CSGALNACT1: variants seen among roughly 807,000 people sequenced by gnomAD.
The protein encoded by CSGALNACT1 is beta4GalNAcT-1.
A neutral mutation model predicts 51.0 loss-of-function variants in CSGALNACT1; 52 were observed. That is an observed-to-expected ratio of 1.02 (90% CI 0.82 to 1.29). CSGALNACT1 has a LOEUF of 1.29. CSGALNACT1 is among the 50% of genes most tolerant of loss of function. The pLI, the probability that CSGALNACT1 is intolerant of heterozygous loss-of-function variation, is 0.00. For synonymous variants in CSGALNACT1, 341 were observed against 254.4 expected, an observed-to-expected ratio of 1.34 and a Z score of -3.24; for missense variants, 935 against 679.2, an observed-to-expected ratio of 1.38 and a Z score of -4.19.
intron 1 of CSGALNACT1, among the ~76,000 whole-genome samples, chr8:19,692,588 A>G (rs1041963266): frequency 2.6e-5 from 4 of 152,240 alleles, no homozygotes; most frequent in African/African-American, 9.6e-5. Flanking sequence ...CTAAAAATGT[A>G]TGTGACTAAC....
At chr8:19,620,732 C>T (rs186984833) in intron 1 of CSGALNACT1, among the ~76,000 whole-genome samples, 77 of 152,286 alleles carry the variant, frequency 5.1e-4, no homozygotes, top group African/African-American at 1.8e-3. Context: ...CCATGCCCAA[C>T]CCCTTTTTTA....
In CSGALNACT1 at chr8:19,732,784, C is replaced by T. The variant is rs193284885; in HGVS notation, c.-297+25066G>A. On this transcript the variant is annotated intron_variant, in intron 1 of 1. Coordinates refer to the CSGALNACT1 transcript ENST00000517494. ...GCCATATGAATCACCCTCTGTATTA[C>T]TTTGCATTGCTGCATCCTACAAAGG... 9.8e-5 allele frequency among the ~76,000 whole-genome samples: 15 copies of T among 152,324 alleles called. No individual in the cohort carries two copies. The East Asian group carries it at 2.5e-3, about 25-fold the overall frequency.
chr8:19,703,896 C>A (rs766475445), intron 1 of CSGALNACT1, among the ~76,000 whole-genome samples: 2 of 152,168 alleles, frequency 1.3e-5, no homozygotes, highest in African/African-American at 2.4e-5. Flanking sequence ...TTATCCTACA[C>A]GCAGCTCTCA....
intron 1 of CSGALNACT1, among the ~76,000 whole-genome samples, chr8:19,631,105 G>A (rs956132640): frequency 6.6e-6 from 1 of 152,156 alleles, no homozygotes; most frequent in African/African-American, 2.4e-5. Flanking sequence ...TGCATCTCCT[G>A]AAGGACATTT....
chr8:19,434,855 A>T (rs2060142259), intron 6 of CSGALNACT1, among the ~76,000 whole-genome samples: 2 of 152,300 alleles, frequency 1.3e-5, no homozygotes, highest in East Asian at 3.9e-4. Context: ...AAAAAAAGCA[A>T]ATCAACAATG....
At chr8:19,699,279 A>T (rs2154219601) in intron 1 of CSGALNACT1, among the ~76,000 whole-genome samples, 1 of 152,340 alleles carries the variant, frequency 6.6e-6, no homozygotes, top group East Asian at 1.9e-4. Flanking sequence ...CAGAACCCAC[A>T]AGGCCAAGTG....
chr8:19,476,227 C>T (rs2069585319), intron 4 of CSGALNACT1, among the ~76,000 whole-genome samples: 1 of 151,936 alleles, frequency 6.6e-6, no homozygotes. Flanking sequence ...GAGTGTACTC[C>T]CCCAGTTTTT....
intron 1 of CSGALNACT1, among the ~76,000 whole-genome samples, chr8:19,730,554 G>A (rs2063635164): frequency 6.6e-6 from 1 of 152,156 alleles, no homozygotes; most frequent in Non-Finnish European, 1.5e-5. Flanking sequence ...AAAAAAGTAT[G>A]TAAGGTGAAC....
Position 19,557,545 on chromosome 8 carries a change from G to A in CSGALNACT1, c.-297+33615C>T, listed in dbSNP as rs369252751. On this transcript the variant is annotated intron_variant, in intron 3 of 9. Coordinates refer to ENST00000454498, the Ensembl canonical transcript of CSGALNACT1. ...CCTTGTTAGCCACACAGGCCTATTCGTTGTTTTGGGGACACACCAGCATTT... is the reference window on the plus strand; with the variant it reads ...CCTTGTTAGCCACACAGGCCTATTCATTGTTTTGGGGACACACCAGCATTT... 1.2e-4 allele frequency among the ~76,000 whole-genome samples: 18 copies of A among 152,176 alleles called. 1 individual carries two copies. Among genetic ancestry groups the A allele is most frequent in the South Asian group, 1.0e-3 (5 of 4,814 alleles).
chr8:19,690,807 G>A (rs1323376957), intron 1 of CSGALNACT1, among the ~76,000 whole-genome samples: 1 of 152,156 alleles, frequency 6.6e-6, no homozygotes, highest in Non-Finnish European at 1.5e-5. Context: ...TTGCTCAACG[G>A]GTAATTTGGG....
chr8:19,460,089 C>T (rs964256805), intron 4 of CSGALNACT1, among the ~76,000 whole-genome samples: 2 of 152,070 alleles, frequency 1.3e-5, no homozygotes, highest in Non-Finnish European at 2.9e-5. Flanking sequence ...GTTTTCTCTA[C>T]AGTCAGGAAA....
intron 1 of CSGALNACT1, among the ~76,000 whole-genome samples, chr8:19,720,099 G>A (rs1438993763): frequency 6.6e-6 from 1 of 152,208 alleles, no homozygotes; most frequent in African/African-American, 2.4e-5. Flanking sequence ...AAAGGCAGAG[G>A]AGAAAGCTAA....
intron 8 of CSGALNACT1, among the ~76,000 whole-genome samples, chr8:19,411,497 G>A (rs2055725535): frequency 1.3e-5 from 2 of 152,310 alleles, no homozygotes; most frequent in African/African-American, 4.8e-5. Flanking sequence ...CAAGCCAGTG[G>A]AAACAGACAC....
intron 1 of CSGALNACT1, among the ~76,000 whole-genome samples, chr8:19,702,869 A>T (rs1344775283): frequency 6.6e-6 from 1 of 152,140 alleles, no homozygotes; most frequent in African/African-American, 2.4e-5. Flanking sequence ...AAAGGGAATC[A>T]GTGTAGCCCA....
intron 1 of CSGALNACT1, among the ~76,000 whole-genome samples, chr8:19,645,951 A>T (rs1300115845): frequency 6.6e-6 from 1 of 152,218 alleles, no homozygotes; most frequent in Non-Finnish European, 1.5e-5. Context: ...ATCCCACCAG[A>T]GAGCTAACAA....
chr8:19,753,752 A>G (rs766007974), intron 1 of CSGALNACT1, among the ~76,000 whole-genome samples: 1 of 152,232 alleles, frequency 6.6e-6, no homozygotes, highest in Non-Finnish European at 1.5e-5. Context: ...TAATGTTCTC[A>G]TTCATTTACA....
At chr8:19,688,107 T>C (rs1413822443) in intron 1 of CSGALNACT1, among the ~76,000 whole-genome samples, 1 of 152,198 alleles carries the variant, frequency 6.6e-6, no homozygotes, top group African/African-American at 2.4e-5. Context: ...ACATGGCCAG[T>C]TGACACCCCC....
intron 4 of CSGALNACT1, among the ~76,000 whole-genome samples, chr8:19,495,932 C>T (rs750823605): frequency 3.9e-5 from 6 of 152,174 alleles, no homozygotes; most frequent in Non-Finnish European, 7.3e-5. Flanking sequence ...TTTTAACTCC[C>T]TTCCTCCAGC....
chr8:19,416,035 G>A (rs941701659), intron 8 of CSGALNACT1, among the ~76,000 whole-genome samples: 13 of 151,326 alleles, frequency 8.6e-5, no homozygotes, highest in Admixed American at 3.3e-4. Flanking sequence ...CAACATTTCC[G>A]TCAACAACAG....
Sources: allele counts gnomAD v4.1 joint callset (sites outside exome capture counted in the v4.1 genomes callset), GRCh38; gene constraint gnomAD v4.1.1; transcripts MANE v1.5; gene names NCBI Gene and HGNC (gene_info 2026-07-23, HGNC 2026-07-21).